MTMR1: variants seen among roughly 807,000 people sequenced by gnomAD.
MTMR1 encodes the protein myotubularin related protein 1, also known as phosphatidylinositol-3-phosphate phosphatase MTMR1.
A neutral mutation model predicts 51.6 loss-of-function variants in MTMR1; 17 were observed. That is an observed-to-expected ratio of 0.33 (90% CI 0.23 to 0.49). The LOEUF (loss-of-function observed/expected upper bound fraction) is 0.49. Among genes scored for constraint, MTMR1 ranks in the 20% least tolerant of loss-of-function variants. The probability of loss-of-function intolerance (pLI) is 0.99; values close to 1 mark genes in which losing one functional copy is unlikely to be tolerated. For missense variants in MTMR1, 386 were observed against 526.9 expected (o/e 0.73, Z 2.62); for synonymous variants, 201 against 205.6 (o/e 0.98, Z 0.19).
chrX:150,729,805 G>A (rs1390201753), intron 6 of MTMR1, among the ~76,000 whole-genome samples: 1 of 111,404 alleles, frequency 9.0e-6, no homozygotes, highest in Non-Finnish European at 1.9e-5. Flanking sequence ...GATTACGTGA[G>A]GTCAGGAGTT....
intron 9 of MTMR1, among the ~76,000 whole-genome samples, 160 bp from the exon 10 acceptor site, chrX:150,732,382 G>A (rs2042143873): frequency 9.0e-6 from 1 of 111,461 alleles, no homozygotes; most frequent in African/African-American, 3.3e-5. Context: ...CATTGAGTCT[G>A]ATGGCCACTA....
At chrX:150,752,363 C>T (rs1040462832) in intron 14 of MTMR1, among the ~76,000 whole-genome samples, 1 of 111,442 alleles carries the variant, frequency 9.0e-6, no homozygotes, top group African/African-American at 3.3e-5. Context: ...CCATTCTAAA[C>T]ATAGCAACCA....
chrX:150,727,273 G>A lies in MTMR1; in HGVS notation c.411G>A (p.Val137=). 1 of 1,209,967 alleles carries A rather than the reference G, an allele frequency of 8.3e-7. No homozygotes were observed. Among genetic ancestry groups the A allele is most frequent in the South Asian group, 1.8e-5 (1 of 56,725 alleles). ...GAGCAGTGAGTGGAACCCTGACAGTGACGGACTTTAAGCTGTACTTCAAAA... is the reference window on the plus strand; with the variant it reads ...GAGCAGTGAGTGGAACCCTGACAGTAACGGACTTTAAGCTGTACTTCAAAA... ...FMGAVSGTLT[V]TDFKLYFKNV... Residue 137 remains valine (V), a synonymous_variant, in exon 5 of 16, where the codon GTG becomes GTA. Coordinates refer to ENST00000445323, the MANE Select transcript of MTMR1 (RefSeq NM_001306144.3).
At chrX:150,726,025 C>CA (rs1411992343) in intron 4 of MTMR1, among the ~76,000 whole-genome samples, 3 of 111,755 alleles carry the variant, frequency 2.7e-5, no homozygotes, top group African/African-American at 9.8e-5. Flanking sequence ...ACCTCTAGTG[C>CA]AGGGATCCCC....
At chrX:150,714,775 G>C (rs1569565651) in intron 3 of MTMR1, among the ~76,000 whole-genome samples, 1 of 111,575 alleles carries the variant, frequency 9.0e-6, no homozygotes, top group East Asian at 2.8e-4. Flanking sequence ...GTTATTGATG[G>C]GGTTAATGAC....
At chrX:150,750,586 G>A (rs895518754) in intron 13 of MTMR1, 144 bp from the exon 14 acceptor site, 2 of 406,387 alleles carry the variant, frequency 4.9e-6, no homozygotes, top group East Asian at 8.5e-5. Flanking sequence ...AAAACTGTAG[G>A]TAGTTGAACT....
intron 1 of MTMR1, among the ~76,000 whole-genome samples, chrX:150,698,301 A>T (rs991094163): frequency 2.0e-4 from 22 of 110,861 alleles, no homozygotes; most frequent in South Asian, 1.5e-3. Flanking sequence ...CTCAAAAAAA[A>T]AAATAAATAA....
intron 1 of MTMR1, among the ~76,000 whole-genome samples, chrX:150,697,390 T>G (rs2148542150): frequency 8.9e-6 from 1 of 112,160 alleles, no homozygotes; most frequent in South Asian, 3.7e-4. Flanking sequence ...TGCCTGGGGA[T>G]TCCAGGTGTT....
intron 2 of MTMR1, among the ~76,000 whole-genome samples, chrX:150,707,159 A>G (rs1411638437): frequency 8.9e-6 from 1 of 112,109 alleles, no homozygotes; most frequent in African/African-American, 3.2e-5. Flanking sequence ...TTACAGAAAA[A>G]AGAAAATCTT....
Position 150,731,585 on chromosome X carries a change from A to C in MTMR1, c.857A>C (p.Lys286Thr), listed in dbSNP as rs782171130. The change falls in exon 9 of 16, where the codon AAA becomes ACA. Residue 286 changes from lysine (K) to threonine (T), a missense_variant. Lys to Thr is a moderately conservative substitution (Grantham distance 78). Transcript: ENST00000445323. ...AGTGTAAAAGATGATGACCTTTCAA[A>C]AGTGGCAGCTTTTCGAGCAAAAGGC... ...PTSVKDDDLS[K>T]VAAFRAKGRV... is the part of the protein sequence containing the mutation. 19 of 1,206,266 alleles carry C rather than the reference A, an allele frequency of 1.6e-5. No homozygotes were observed. Among genetic ancestry groups the C allele is most frequent in the Non-Finnish European group, 1.9e-5 (17 of 892,555 alleles).
chrX:150,704,657 C>T, intron 2 of MTMR1, among the ~76,000 whole-genome samples: 1 of 111,987 alleles, frequency 8.9e-6, no homozygotes, highest in Non-Finnish European at 1.9e-5. Flanking sequence ...GAGGAGCCCT[C>T]CACTCTGCAG....
intron 4 of MTMR1, chrX:150,726,997 C>A (rs1159761550): frequency 3.7e-6 from 1 of 267,073 alleles, no homozygotes; most frequent in African/African-American, 2.8e-5. Context: ...TTACTTAAAA[C>A]CTCATTAAGT....
intron 13 of MTMR1, among the ~76,000 whole-genome samples, chrX:150,749,985 T>C (rs998588905): frequency 2.7e-5 from 3 of 110,706 alleles, no homozygotes; most frequent in Non-Finnish European, 5.7e-5. Flanking sequence ...GGCGTGGTGG[T>C]GCGCACCTGT....
At chrX:150,702,124 G>A (rs1384732465) in intron 2 of MTMR1, among the ~76,000 whole-genome samples, 1 of 88,223 alleles carries the variant, frequency 1.1e-5, no homozygotes, top group African/African-American at 4.4e-5. Flanking sequence ...GTCTTACTAC[G>A]TTTCCCAGGC....
intron 8 of MTMR1, 137 bp from the exon 9 acceptor site, chrX:150,731,333 T>G (rs1364476457): frequency 2.0e-6 from 1 of 510,184 alleles, no homozygotes; most frequent in Non-Finnish European, 3.0e-6. Context: ...ATATATTGAC[T>G]TTTAAGTTAC....
In MTMR1 at chrX:150,693,405, T is replaced by A; in HGVS notation, c.-126T>A. The stretch of plus-strand genomic sequence containing the variant: ...CGCGGGGCCGCCAGGTGACAGCTAA[T>A]GGCGGCGGCCGCCTGAGGCGGGCGG... On this transcript the variant is annotated 5_prime_UTR_variant, in exon 1 of 16. It removes an upstream start codon present in the reference 5' UTR. Transcript: ENST00000445323. The A allele has an allele frequency of 1.4e-6, 1 of 738,901 alleles. No individual in the cohort carries two copies. The highest frequency in any genetic ancestry group is 1.6e-6 in the Non-Finnish European group (1 of 626,528). 60.9% of individuals were successfully genotyped at this position (738,901 alleles called of 1,213,427 possible). A position where few individuals can be genotyped will look rare whatever the true frequency, so the allele number is the denominator to read the frequency against.
At chrX:150,722,195 GC>G (rs1259473421) in intron 4 of MTMR1, among the ~76,000 whole-genome samples, 1 of 111,883 alleles carries the variant, frequency 8.9e-6, no homozygotes, top group Non-Finnish European at 1.9e-5. Context: ...TGTTCTACAT[GC>G]AGTTGAAAAG....
intron 13 of MTMR1, among the ~76,000 whole-genome samples, chrX:150,746,829 T>G (rs2042587227): frequency 8.9e-6 from 1 of 112,591 alleles, no homozygotes; most frequent in Non-Finnish European, 1.9e-5. Flanking sequence ...TCTTTTAAAA[T>G]TACATTGTTA....
chrX:150,719,761 A>G (rs1246383900), intron 4 of MTMR1, among the ~76,000 whole-genome samples: 1 of 112,300 alleles, frequency 8.9e-6, no homozygotes, highest in Admixed American at 9.4e-5. Flanking sequence ...ATTAGAGCTC[A>G]TGTAGGTGAT....
Sources: gnomAD v4.1 joint callset for allele counts (sites outside exome capture counted in the v4.1 genomes callset) on GRCh38, gnomAD v4.1.1 for gene constraint, MANE v1.5 for transcripts, NCBI Gene and HGNC (gene_info 2026-07-23, HGNC 2026-07-21) for gene names.